Variants in CNTNAP2 observed in about 807,000 individuals in gnomAD.
The protein encoded by CNTNAP2 is contactin associated protein 2.
A neutral mutation model predicts 155.2 loss-of-function variants in CNTNAP2; 98 were observed. The observed-to-expected ratio is 0.63, with a 90% CI of 0.54 to 0.75. CNTNAP2 has a LOEUF of 0.75. Among genes scored for constraint, CNTNAP2 ranks in the 30% least tolerant of loss-of-function variants. CNTNAP2 has a pLI of 0.00. For missense variants in CNTNAP2, 1,727 were observed against 1,688.1 expected (o/e 1.02, Z -0.40); for synonymous variants, 651 against 631.2 (o/e 1.03, Z -0.47).
At chr7:148,099,574 T>TC (rs1378914638) in intron 15 of CNTNAP2, among the ~76,000 whole-genome samples, 2 of 151,798 alleles carry the variant, frequency 1.3e-5, no homozygotes. Flanking sequence ...GGTCCCCTTT[T>TC]CCCCCAATGG....
chr7:147,764,135 G>T (rs1417760571), intron 13 of CNTNAP2, among the ~76,000 whole-genome samples: 1 of 152,012 alleles, frequency 6.6e-6, no homozygotes, highest in Non-Finnish European at 1.5e-5. Context: ...GTTTGCTATG[G>T]GTTATTTTCT....
intron 1 of CNTNAP2, among the ~76,000 whole-genome samples, chr7:146,422,359 G>GTGTATATATATATATATATA (rs1554431181): frequency 6.7e-5 from 10 of 148,156 alleles, no homozygotes; most frequent in African/African-American, 2.5e-4. Context: ...GTATATATAT[G>GTGTATATATATATATATATA]TATATATATA....
chr7:146,761,562 C>T (rs1410549434), intron 1 of CNTNAP2, among the ~76,000 whole-genome samples: 3 of 152,098 alleles, frequency 2.0e-5, no homozygotes, highest in African/African-American at 4.8e-5. Flanking sequence ...CTTGAAGATG[C>T]TATACATTCC....
In CNTNAP2 at chr7:146,622,157, A is replaced by T. The variant is rs566892797; in HGVS notation, c.98-152114A>T. Among the ~76,000 whole-genome samples the T allele has an allele frequency of 2.6e-5, 4 of 151,346 alleles. No individual in the cohort carries two copies. The South Asian group carries it at 8.4e-4, about 32-fold the overall frequency. On this transcript the variant is annotated intron_variant, in intron 1 of 23. Transcript: ENST00000361727. ...TATATATATATACACACACGTATAT[A>T]TATATACACACACGTATATATATAC...
intron 5 of CNTNAP2, among the ~76,000 whole-genome samples, chr7:147,110,578 A>T (rs755197436): frequency 1.7e-4 from 26 of 152,086 alleles, no homozygotes; most frequent in Non-Finnish European, 3.8e-4. Context: ...CTATGTGTCC[A>T]TATGTTCTCA....
chr7:147,197,826 T>C (rs1176844448), intron 8 of CNTNAP2, among the ~76,000 whole-genome samples: 2 of 152,228 alleles, frequency 1.3e-5, no homozygotes, highest in Non-Finnish European at 2.9e-5. Flanking sequence ...TTTTCTAAGA[T>C]GTTGAGGTAA....
At chr7:146,763,037 C>T (rs1392197803) in intron 1 of CNTNAP2, among the ~76,000 whole-genome samples, 4 of 152,172 alleles carry the variant, frequency 2.6e-5, no homozygotes, top group Middle Eastern at 3.4e-3. Flanking sequence ...ATGGGAGCTA[C>T]AATTCAGATG....
chr7:146,994,302 C>A lies in CNTNAP2; in HGVS notation c.403-49605C>A, dbSNP rs1427424647. Among the ~76,000 whole-genome samples, 5 of 151,980 alleles carry A rather than the reference C, an allele frequency of 3.3e-5. No individual in the cohort carries two copies. The South Asian group carries it at 1.0e-3, about 31-fold the overall frequency. ...TTGTACTGCACTCTATTTTCCTTTT[C>A]AAGAAAGGAATTTCATGAATTGTTT... On this transcript the variant is annotated intron_variant, in intron 3 of 23. Coordinates refer to ENST00000361727, the MANE Select transcript of CNTNAP2 (RefSeq NM_014141.6).
intron 2 of CNTNAP2, among the ~76,000 whole-genome samples, chr7:146,838,946 A>G (rs1436463918): frequency 6.6e-6 from 1 of 152,200 alleles, no homozygotes; most frequent in African/African-American, 2.4e-5. Context: ...TATTTTGTGT[A>G]CAACCCTAGT....
intron 1 of CNTNAP2, among the ~76,000 whole-genome samples, chr7:146,678,436 C>T (rs1030601082): frequency 5.3e-5 from 8 of 151,992 alleles, no homozygotes; most frequent in Admixed American, 3.9e-4. Flanking sequence ...TCTTTTAAAG[C>T]AAAATCAAGA....
At chr7:146,627,574 A>G (rs1585013745) in intron 1 of CNTNAP2, among the ~76,000 whole-genome samples, 1 of 152,132 alleles carries the variant, frequency 6.6e-6, no homozygotes, top group East Asian at 1.9e-4. Flanking sequence ...AAAGCTTTAT[A>G]GGAAATGGAC....
At chr7:148,283,304 A>AAAGAAAGG (rs1278484699) in intron 21 of CNTNAP2, among the ~76,000 whole-genome samples, 2 of 89,420 alleles carry the variant, frequency 2.2e-5, no homozygotes, top group African/African-American at 1.2e-4. Context: ...AGAAAGAAAG[A>AAAGAAAGG]AAGGAAGGAA....
chr7:147,793,772 A>G (rs1433805765), intron 13 of CNTNAP2, among the ~76,000 whole-genome samples: 1 of 151,970 alleles, frequency 6.6e-6, no homozygotes. Context: ...TCCCATATAA[A>G]CAATATTAAG....
In CNTNAP2 at chr7:147,331,310, G is replaced by A. The variant is rs369848094; in HGVS notation, c.1498+31020G>A. The stretch of plus-strand genomic sequence containing the variant: ...CGCTGGCTTGGACGACTAGTAGAAC[G>A]GTTCTATCACTTAGAATGGCAAAAA... On this transcript the variant is annotated intron_variant, in intron 9 of 23. Coordinates refer to ENST00000361727, the MANE Select transcript of CNTNAP2 (RefSeq NM_014141.6). Among the ~76,000 whole-genome samples the A allele has an allele frequency of 6.8e-4, 103 of 152,170 alleles. 4 individuals are homozygous for A. In the South Asian group the frequency reaches 0.02, roughly 30 times the overall value.
intron 20 of CNTNAP2, among the ~76,000 whole-genome samples, chr7:148,251,197 TG>T (rs1461369647): frequency 6.6e-6 from 1 of 152,186 alleles, no homozygotes; most frequent in African/African-American, 2.4e-5. Flanking sequence ...TACAAGCAGC[TG>T]GCTACAAATT....
chr7:147,245,496 A>G (rs1181451713), intron 8 of CNTNAP2, among the ~76,000 whole-genome samples: 1 of 152,034 alleles, frequency 6.6e-6, no homozygotes, highest in Non-Finnish European at 1.5e-5. Flanking sequence ...GGAGCACTTG[A>G]GAGGAAACCC....
Position 146,381,679 on chromosome 7 carries a change from A to G in CNTNAP2, c.97+264706A>G, listed in dbSNP as rs556436293. ...GCTCTTTGTAAAAGTTCAAAGACCTATATCAGTTACATAGAGAGTAAAGTA... is the reference window on the plus strand; with the variant it reads ...GCTCTTTGTAAAAGTTCAAAGACCTGTATCAGTTACATAGAGAGTAAAGTA... On this transcript the variant is annotated intron_variant, in intron 1 of 23. Coordinates refer to ENST00000361727, the MANE Select transcript of CNTNAP2 (RefSeq NM_014141.6). 8.5e-5 allele frequency among the ~76,000 whole-genome samples: 13 copies of G among 152,352 alleles called. 1 individual carries two copies. In the East Asian group the frequency reaches 2.1e-3, roughly 25 times the overall value.
chr7:147,578,716 T>G (rs1800444010), intron 12 of CNTNAP2, among the ~76,000 whole-genome samples: 1 of 152,016 alleles, frequency 6.6e-6, no homozygotes, highest in Non-Finnish European at 1.5e-5. Flanking sequence ...AAATAAAAAA[T>G]TATGGGATTT....
At chr7:147,439,383 A>G (rs1797602529) in intron 10 of CNTNAP2, among the ~76,000 whole-genome samples, 1 of 151,892 alleles carries the variant, frequency 6.6e-6, no homozygotes, top group Non-Finnish European at 1.5e-5. Flanking sequence ...ATGCATTTGT[A>G]TAGTTTCCAA....
Sources: gnomAD v4.1 joint callset for allele counts (sites outside exome capture counted in the v4.1 genomes callset) on GRCh38, gnomAD v4.1.1 for gene constraint, MANE v1.5 for transcripts, NCBI Gene and HGNC (gene_info 2026-07-23, HGNC 2026-07-21) for gene names.